IFT80: variants seen among roughly 807,000 people sequenced by gnomAD.
IFT80 encodes intraflagellar transport 80, also known as intraflagellar transport protein 80 homolog.
A neutral mutation model predicts 107.9 loss-of-function variants in IFT80; 79 were observed. The observed-to-expected ratio is 0.73, with a 90% CI of 0.61 to 0.88. The LOEUF (loss-of-function observed/expected upper bound fraction) is 0.88, where lower values mean the gene tolerates loss of function less well. Among genes scored for constraint, IFT80 ranks in the 40% least tolerant of loss-of-function variants. IFT80 has a pLI of 0.00. For synonymous variants in IFT80, 299 were observed against 300.9 expected (o/e 0.99, Z 0.07); for missense variants, 797 against 914.2 (o/e 0.87, Z 1.65).
intron 1 of IFT80, among the ~76,000 whole-genome samples, chr3:160,397,535 TATG>T (rs1163059124): frequency 1.3e-5 from 2 of 152,072 alleles, no homozygotes; most frequent in Admixed American, 6.5e-5. Flanking sequence ...TCATAAACAG[TATG>T]ATGAGACAGG....
chr3:160,275,058 A>G (rs548039027), intron 18 of IFT80, among the ~76,000 whole-genome samples: 2 of 152,336 alleles, frequency 1.3e-5, no homozygotes, highest in South Asian at 4.1e-4. Flanking sequence ...GTAAACCTCA[A>G]TTTCCTCATT....
In IFT80 at chr3:160,328,497, C is replaced by T. The variant is rs1490760549; in HGVS notation, c.778-8558G>A. Among the ~76,000 whole-genome samples the T allele has an allele frequency of 3.7e-5, 5 of 135,630 alleles. No individual in the cohort carries two copies. In the East Asian group the frequency reaches 1.0e-3, roughly 28 times the overall value. The allele number at this position is 135,630 out of a possible 152,430, so 89.0% of individuals were successfully genotyped here. On this transcript the variant is annotated intron_variant, in intron 8 of 19. Coordinates refer to ENST00000326448, the MANE Select transcript of IFT80 (RefSeq NM_020800.3). ...AAAAAAAAAAAAGGTCAAAAAATAA[C>T]GGATGCTGGCGAGGTTGTACAGAAA...
intron 1 of IFT80, among the ~76,000 whole-genome samples, chr3:160,398,916 T>A (rs934420541): frequency 6.6e-6 from 1 of 152,180 alleles, no homozygotes; most frequent in East Asian, 1.9e-4. Context: ...TATTCACATG[T>A]CGACTAAGCT....
chr3:160,347,611 C>G (rs1004157337), intron 8 of IFT80, among the ~76,000 whole-genome samples: 1 of 152,156 alleles, frequency 6.6e-6, no homozygotes, highest in Admixed American at 6.5e-5. Flanking sequence ...TTTAGCCATA[C>G]ATTCAAAGAC....
intron 8 of IFT80, among the ~76,000 whole-genome samples, chr3:160,323,937 T>C (rs1718475997): frequency 6.6e-6 from 1 of 151,810 alleles, no homozygotes; most frequent in African/African-American, 2.4e-5. Context: ...TAAAAAATGA[T>C]AAAGGGGATA....
rs1712535745 is a variant in IFT80 at position 160,258,553 on chromosome 3, G to T, written c.2306C>A (p.Ser769Tyr). Residue 769 changes from serine to tyrosine, a missense_variant, in exon 20 of 20, where the codon TCC (serine) becomes TAC (tyrosine). Ser to Tyr is a moderately radical substitution (Grantham distance 144, BLOSUM62 -2). Transcript: ENST00000326448. ...GGGCTTTAAACCTATACTCTTGCTG[G>T]ATTGGCTGCTTGATGATTGCTCTCT... ...KEREQSSSSQ[S>Y]SKSIGLKP 6.2e-7 allele frequency: 1 copy of T among 1,613,504 alleles called. No individual in the cohort carries two copies. Among genetic ancestry groups the T allele is most frequent in the Non-Finnish European group, 8.5e-7 (1 of 1,179,958 alleles).
chr3:160,356,168 A>G lies in IFT80; in HGVS notation c.640-18T>C, dbSNP rs778762759. On this transcript the variant is annotated intron_variant, in intron 7 of 19. Transcript: ENST00000326448. The stretch of plus-strand genomic sequence containing the variant: ...TCCCATACCTACAAAAGCAATTTTT[A>G]AAAATCTTTTATAATATCAGGGAGA... 1.1e-4 allele frequency: 181 copies of G among 1,609,772 alleles called. No individual in the cohort carries two copies. Among genetic ancestry groups the G allele is most frequent in the Non-Finnish European group, 1.5e-4 (178 of 1,177,478 alleles).
At chr3:160,349,129 G>C (rs527988409) in intron 8 of IFT80, among the ~76,000 whole-genome samples, 2 of 152,102 alleles carry the variant, frequency 1.3e-5, no homozygotes, top group Admixed American at 6.6e-5. Flanking sequence ...TAAAAAAGCA[G>C]CCAGAAACTT....
chr3:160,318,517 C>T (rs1717984130), intron 9 of IFT80, among the ~76,000 whole-genome samples: 1 of 151,938 alleles, frequency 6.6e-6, no homozygotes, highest in African/African-American at 2.4e-5. Flanking sequence ...CTTTCTTCAA[C>T]TAATTATTAA....
intron 2 of IFT80, among the ~76,000 whole-genome samples, chr3:160,383,131 A>G (rs1302125209): frequency 1.3e-5 from 2 of 152,228 alleles, no homozygotes; most frequent in African/African-American, 4.8e-5. Context: ...CCTTATATAA[A>G]TTGCTATAAG....
intron 6 of IFT80, among the ~76,000 whole-genome samples, chr3:160,358,367 C>A (rs1443147612): frequency 1.3e-5 from 2 of 151,798 alleles, no homozygotes; most frequent in Non-Finnish European, 2.9e-5. Context: ...CTACCCTCTT[C>A]ATTTCATTCT....
chr3:160,276,277 A>C (rs1351374901), intron 18 of IFT80, among the ~76,000 whole-genome samples: 1 of 150,462 alleles, frequency 6.6e-6, no homozygotes, highest in Admixed American at 6.6e-5. Flanking sequence ...AATTATATGA[A>C]TAGTATAGAT....
chr3:160,259,794 A>G (rs1712670412), intron 19 of IFT80, among the ~76,000 whole-genome samples: 1 of 152,298 alleles, frequency 6.6e-6, no homozygotes, highest in East Asian at 1.9e-4. Context: ...TAATTTAGGA[A>G]TGTTTATCCT....
intron 1 of IFT80, among the ~76,000 whole-genome samples, chr3:160,397,821 A>C (rs149626606): frequency 0.016 from 2,407 of 148,460 alleles, 57 homozygotes; most frequent in African/African-American, 0.058. Context: ...TCCCGGGTTC[A>C]AGAGATTCTC....
chr3:160,323,879 T>C (rs1033320272), intron 8 of IFT80, among the ~76,000 whole-genome samples: 18 of 151,772 alleles, frequency 1.2e-4, no homozygotes, highest in Admixed American at 9.2e-4. Context: ...GATAGACCAC[T>C]AGCAAGACTA....
intron 12 of IFT80, among the ~76,000 whole-genome samples, chr3:160,296,605 C>T (rs1047186276): frequency 3.3e-5 from 5 of 151,996 alleles, no homozygotes; most frequent in Admixed American, 6.6e-5. Flanking sequence ...CAATTCTTTG[C>T]CTTTTTTTAA....
chr3:160,368,783 A>G (rs1169292215), intron 5 of IFT80, among the ~76,000 whole-genome samples: 2 of 121,264 alleles, frequency 1.6e-5, no homozygotes, highest in African/African-American at 3.1e-5. Flanking sequence ...ATTTTTGTAC[A>G]AAAAAGTAAA....
At chr3:160,259,323 AC>A (rs1712623809) in intron 19 of IFT80, among the ~76,000 whole-genome samples, 1 of 152,242 alleles carries the variant, frequency 6.6e-6, no homozygotes, top group Non-Finnish European at 1.5e-5. Flanking sequence ...GATGAGATGG[AC>A]CGCTGTCTTC....
At chr3:160,339,224 T>C (rs1317897403) in intron 8 of IFT80, among the ~76,000 whole-genome samples, 1 of 152,216 alleles carries the variant, frequency 6.6e-6, no homozygotes, top group Non-Finnish European at 1.5e-5. Flanking sequence ...TGCCATTATC[T>C]TTCCCCCTCA....
Sources: gnomAD v4.1 joint callset for allele counts (sites outside exome capture counted in the v4.1 genomes callset) on GRCh38, gnomAD v4.1.1 for gene constraint, MANE v1.5 for transcripts, NCBI Gene and HGNC (gene_info 2026-07-23, HGNC 2026-07-21) for gene names.